KPNA4: variants seen among roughly 807,000 people sequenced by gnomAD.
KPNA4 encodes the protein importin subunit alpha-3.
A neutral mutation model predicts 71.3 loss-of-function variants in KPNA4; 13 were observed. That is an observed-to-expected ratio of 0.18 (90% CI 0.12 to 0.29). The LOEUF (loss-of-function observed/expected upper bound fraction) is 0.29. Among genes scored for constraint, KPNA4 ranks in the 10% least tolerant of loss-of-function variants. The pLI is 1.00. For missense variants in KPNA4, 334 were observed against 603.2 expected, an observed-to-expected ratio of 0.55 and a Z score of 4.67; for synonymous variants, 189 against 195.2, an observed-to-expected ratio of 0.97 and a Z score of 0.26.
intron 13 of KPNA4, among the ~76,000 whole-genome samples, chr3:160,511,976 CAAT>C (rs1414401731): frequency 4.6e-5 from 7 of 151,872 alleles, no homozygotes; most frequent in African/African-American, 1.5e-4. Flanking sequence ...CTTAAATATC[CAAT>C]AATATTTAAT....
intron 12 of KPNA4, chr3:160,515,045 G>T (rs1721178820): frequency 3.9e-6 from 2 of 519,094 alleles, no homozygotes; most frequent in South Asian, 2.8e-5. Flanking sequence ...AACAGCCTCA[G>T]ATGCACTCCA....
intron 1 of KPNA4, among the ~76,000 whole-genome samples, chr3:160,549,593 T>G (rs960809623): frequency 2.6e-5 from 4 of 152,176 alleles, no homozygotes; most frequent in Admixed American, 2.0e-4. Context: ...TATGCAGGGG[T>G]TCATTTCTGG....
At chr3:160,538,457 T>C (rs1353874612) in intron 1 of KPNA4, among the ~76,000 whole-genome samples, 1 of 152,118 alleles carries the variant, frequency 6.6e-6, no homozygotes, top group Non-Finnish European at 1.5e-5. Context: ...AGTTATAAGT[T>C]AGTGAAAATA....
At position 160,531,998 on chromosome 3, in the gene KPNA4, G is replaced by A. The variant is rs575595205; in HGVS notation, c.288-441C>T. Among the ~76,000 whole-genome samples the A allele has an allele frequency of 5.3e-5, 8 of 152,228 alleles. No homozygotes were observed. In the South Asian group the frequency reaches 1.5e-3, roughly 28 times the overall value. ...GTAGAGACGGAGTTTCCTCATGTTT[G>A]CCAGGCTGGTCTTGAACTCCTGACT... On this transcript the variant is annotated intron_variant, in intron 5 of 16. Transcript: ENST00000334256.
chr3:160,507,455 G>C (rs1414534551), intron 15 of KPNA4, among the ~76,000 whole-genome samples: 2 of 145,082 alleles, frequency 1.4e-5, no homozygotes, highest in African/African-American at 5.2e-5. Context: ...AGCCGAGATT[G>C]TGCCATTGCA....
chr3:160,518,057 T>C lies in KPNA4; in HGVS notation c.904-2477A>G, dbSNP rs183960820. The stretch of plus-strand genomic sequence containing the variant: ...ACTGTCTAATCTAGGGTCATAAAAA[T>C]TTATGCCTGTATTTTTCTTCTAAGA... On this transcript the variant is annotated intron_variant, in intron 11 of 16. Transcript: ENST00000334256. 3.9e-5 allele frequency among the ~76,000 whole-genome samples: 6 copies of C among 152,220 alleles called. No individual in the cohort carries two copies. The East Asian group carries it at 1.2e-3, about 29-fold the overall frequency.
At chr3:160,559,233 T>C (rs1324807185) in intron 1 of KPNA4, among the ~76,000 whole-genome samples, 2 of 152,166 alleles carry the variant, frequency 1.3e-5, no homozygotes, top group African/African-American at 4.8e-5. Flanking sequence ...TTATTGCTAA[T>C]GATAAAATTT....
intron 1 of KPNA4, among the ~76,000 whole-genome samples, chr3:160,561,246 A>T (rs987874350): frequency 6.6e-6 from 1 of 152,096 alleles, no homozygotes; most frequent in Non-Finnish European, 1.5e-5. Context: ...CATAAAAAGT[A>T]TGCAGGTTTA....
At chr3:160,542,050 G>C (rs974912633) in intron 1 of KPNA4, among the ~76,000 whole-genome samples, 1 of 152,188 alleles carries the variant, frequency 6.6e-6, no homozygotes, top group Non-Finnish European at 1.5e-5. Flanking sequence ...AATCCATTTA[G>C]AGAAAGGCAT....
At chr3:160,517,843 T>C (rs1360746613) in intron 11 of KPNA4, among the ~76,000 whole-genome samples, 1 of 150,912 alleles carries the variant, frequency 6.6e-6, no homozygotes, top group Non-Finnish European at 1.5e-5. Flanking sequence ...CTTTATACAT[T>C]AAATATTTTA....
At chr3:160,540,023 G>A (rs1327780837) in intron 1 of KPNA4, among the ~76,000 whole-genome samples, 11 of 135,464 alleles carry the variant, frequency 8.1e-5, no homozygotes, top group South Asian at 4.5e-4. Context: ...TTGGTGAGAC[G>A]GAGTCTCACT....
intron 13 of KPNA4, 97 bp downstream of exon 13, chr3:160,513,980 C>G: frequency 1.6e-6 from 1 of 616,728 alleles, no homozygotes; most frequent in Non-Finnish European, 2.5e-6. Context: ...TGTATGGCTT[C>G]TAATTAAGCA....
At chr3:160,554,861 T>C (rs557422306) in intron 1 of KPNA4, among the ~76,000 whole-genome samples, 3 of 152,344 alleles carry the variant, frequency 2.0e-5, no homozygotes, top group African/African-American at 7.2e-5. Context: ...TTCATCTGTA[T>C]CCTTTGTAAT....
intron 13 of KPNA4, among the ~76,000 whole-genome samples, chr3:160,510,710 T>C (rs1450601676): frequency 1.3e-5 from 2 of 152,088 alleles, no homozygotes; most frequent in Admixed American, 1.3e-4. Context: ...AGCCCTATAA[T>C]AGCAAAATTT....
chr3:160,543,488 A>G (rs1721847976), intron 1 of KPNA4, among the ~76,000 whole-genome samples: 1 of 151,832 alleles, frequency 6.6e-6, no homozygotes, highest in South Asian at 2.1e-4. Context: ...GTGCACCACC[A>G]AGCCTGGCTA....
intron 1 of KPNA4, among the ~76,000 whole-genome samples, chr3:160,537,970 A>G (rs1721721861): frequency 6.6e-6 from 1 of 151,956 alleles, no homozygotes; most frequent in African/African-American, 2.4e-5. Context: ...CTTCCTCCAG[A>G]GTCTAGTATA....
chr3:160,515,837 A>G (rs1465555706), intron 11 of KPNA4, among the ~76,000 whole-genome samples: 1 of 151,694 alleles, frequency 6.6e-6, no homozygotes, highest in Admixed American at 6.6e-5. Context: ...CTGGTCTCGA[A>G]CTCCTAGGCT....
At chr3:160,509,369 TAAG>T (rs1358712060) in intron 14 of KPNA4, among the ~76,000 whole-genome samples, 1 of 152,144 alleles carries the variant, frequency 6.6e-6, no homozygotes, top group African/African-American at 2.4e-5. Context: ...CATATTAACT[TAAG>T]AAGTCTGTTC....
intron 1 of KPNA4, among the ~76,000 whole-genome samples, chr3:160,538,205 G>C (rs1312645576): frequency 4.7e-5 from 7 of 150,474 alleles, no homozygotes; most frequent in Admixed American, 4.0e-4. Flanking sequence ...AGTTACAAAG[G>C]AAACTATCTT....
Sources: gnomAD v4.1 joint callset for allele counts (sites outside exome capture counted in the v4.1 genomes callset) on GRCh38, gnomAD v4.1.1 for gene constraint, MANE v1.5 for transcripts, NCBI Gene and HGNC (gene_info 2026-07-23, HGNC 2026-07-21) for gene names.